TCF12: variants seen among roughly 807,000 people sequenced by gnomAD.
TCF12 encodes transcription factor 12, also known as DNA-binding protein HTF4.
In TCF12, 45 loss-of-function variants were observed where a neutral mutation model predicts 86.0. The observed-to-expected ratio is 0.52, with a 90% CI of 0.41 to 0.67. TCF12 has a LOEUF of 0.67. TCF12 is among the 30% of genes least tolerant of loss of function. TCF12 has a pLI of 0.00. For missense variants in TCF12, 881 were observed against 859.9 expected, an observed-to-expected ratio of 1.02 and a Z score of -0.31; for synonymous variants, 330 against 299.6, an observed-to-expected ratio of 1.10 and a Z score of -1.05.
chr15:57,272,991 A>G (rs2061213932), intron 18 of TCF12, 39 bp from the exon 19 acceptor site: 6 of 1,579,124 alleles, frequency 3.8e-6, no homozygotes, highest in Non-Finnish European at 5.2e-6. Flanking sequence ...CTTACTTTAT[A>G]GGAAACCTAA....
chr15:56,925,163 G>A (rs1233182126), intron 3 of TCF12, among the ~76,000 whole-genome samples: 2 of 152,066 alleles, frequency 1.3e-5, no homozygotes, highest in Non-Finnish European at 2.9e-5. Context: ...GGCGCAGCCA[G>A]TGTACTCCAG....
chr15:57,270,401 G>A (rs2061080892), intron 18 of TCF12, among the ~76,000 whole-genome samples: 1 of 152,128 alleles, frequency 6.6e-6, no homozygotes, highest in African/African-American at 2.4e-5. Context: ...GTGGTTTTCA[G>A]CTCCATCAGG....
At chr15:57,282,213 C>G in intron 19 of TCF12, 1 of 547,820 alleles carries the variant, frequency 1.8e-6, no homozygotes, top group Non-Finnish European at 3.2e-6. Flanking sequence ...AAATCAAACC[C>G]TAGAAAACTA....
chr15:57,023,081 T>G (rs1049233600), intron 3 of TCF12, among the ~76,000 whole-genome samples: 4 of 152,212 alleles, frequency 2.6e-5, no homozygotes, highest in African/African-American at 9.7e-5. Flanking sequence ...TTCAGGAATT[T>G]TAAATTTTTG....
At chr15:57,185,357 A>C (rs1214288410) in intron 6 of TCF12, among the ~76,000 whole-genome samples, 1 of 152,242 alleles carries the variant, frequency 6.6e-6, no homozygotes, top group African/African-American at 2.4e-5. Flanking sequence ...TCATAGCAGA[A>C]CTTAGGAGAT....
intron 3 of TCF12, among the ~76,000 whole-genome samples, chr15:56,961,684 T>C (rs1471144419): frequency 2.0e-5 from 3 of 152,206 alleles, no homozygotes; most frequent in Non-Finnish European, 2.9e-5. Flanking sequence ...ACACTTTAGA[T>C]CTCATACAGC....
At chr15:56,983,856 G>T (rs1169638345) in intron 3 of TCF12, among the ~76,000 whole-genome samples, 1 of 151,588 alleles carries the variant, frequency 6.6e-6, no homozygotes, top group Non-Finnish European at 1.5e-5. Flanking sequence ...AATGAAATCA[G>T]CCGGGTAGGG....
chr15:57,253,260 A>C lies in TCF12; in HGVS notation c.1261-2A>C, dbSNP rs753455173. 1 of 1,613,890 alleles carries C rather than the reference A, an allele frequency of 6.2e-7. No individual in the cohort carries two copies. The highest frequency in any genetic ancestry group is 8.5e-7 in the Non-Finnish European group (1 of 1,179,856). On this transcript the variant is annotated splice_acceptor_variant, in intron 15 of 20. Coordinates refer to ENST00000333725, the MANE Select transcript of TCF12 (RefSeq NM_207037.2). LOFTEE classifies it high-confidence loss of function. ...ACCATGTTTTTTTTTTAATCCATAC[A>C]GCAGTCTCGAATGGAGGATCGTTTA...
At chr15:56,990,521 T>C (rs2566844) in intron 3 of TCF12, among the ~76,000 whole-genome samples, 34,072 of 151,936 alleles carry the variant, frequency 0.22, 3,880 homozygotes, top group Middle Eastern at 0.24. Flanking sequence ...TTTAGAGGGA[T>C]GTGGTGTTTC....
In TCF12 at chr15:57,004,846, C is replaced by T. The variant is rs538825147; in HGVS notation, c.149-58904C>T. Among the ~76,000 whole-genome samples, 3 of 152,348 alleles carry T rather than the reference C, an allele frequency of 2.0e-5. No homozygotes were observed. In the East Asian group the frequency reaches 5.8e-4, roughly 29 times the overall value. The stretch of plus-strand genomic sequence containing the variant: ...CTGGGATTATAGGCATGAGCCACCG[C>T]ACCCGGCCCATTCATTTCTTAAATT... On this transcript the variant is annotated intron_variant, in intron 3 of 20. Transcript: ENST00000333725.
chr15:57,207,962 C>T (rs1290815510), intron 8 of TCF12, among the ~76,000 whole-genome samples: 6 of 151,016 alleles, frequency 4.0e-5, no homozygotes, highest in South Asian at 2.1e-4. Context: ...AAGTCCTTAT[C>T]GTGAATGAAG....
At chr15:57,176,646 A>G (rs1301639298) in intron 6 of TCF12, among the ~76,000 whole-genome samples, 27 of 152,206 alleles carry the variant, frequency 1.8e-4, no homozygotes, top group Non-Finnish European at 2.5e-4. Flanking sequence ...CCAAGATTTC[A>G]TAGCTGGTAA....
chr15:57,100,144 T>G (rs1188372503), intron 5 of TCF12, among the ~76,000 whole-genome samples: 1 of 152,214 alleles, frequency 6.6e-6, no homozygotes, highest in South Asian at 2.1e-4. Context: ...TGTCTAGTTC[T>G]AACCAAGTGA....
chr15:56,972,842 G>T (rs1185291755), intron 3 of TCF12, among the ~76,000 whole-genome samples: 1 of 152,146 alleles, frequency 6.6e-6, no homozygotes, highest in South Asian at 2.1e-4. Flanking sequence ...CATAGTTATG[G>T]AGGGGAGGGG....
Position 57,012,992 on chromosome 15 carries a change from T to C in TCF12, c.149-50758T>C, listed in dbSNP as rs1244140435. Among the ~76,000 whole-genome samples, 10 of 152,142 alleles carry C rather than the reference T, an allele frequency of 6.6e-5. No individual in the cohort carries two copies. In the East Asian group the frequency reaches 1.9e-3, roughly 29 times the overall value. ...TTACTAAGTCTCTAAGAGTTAGTAC[T>C]TTTAGAAATTGTTTTGGGATCATTA... On this transcript the variant is annotated intron_variant, in intron 3 of 20. Transcript: ENST00000333725.
In TCF12 at chr15:56,975,573, G is replaced by C. The variant is rs545796141; in HGVS notation, c.148+54475G>C. On this transcript the variant is annotated intron_variant, in intron 3 of 20. Coordinates refer to ENST00000333725, the MANE Select transcript of TCF12 (RefSeq NM_207037.2). ...TAAAGCCTGCCTAGCTGTATTATCT[G>C]TGTGAATATGTTAAAAAATAAAATA... 1.2e-4 allele frequency among the ~76,000 whole-genome samples: 19 copies of C among 152,120 alleles called. No individual in the cohort carries two copies. The East Asian group carries it at 3.3e-3, about 26-fold the overall frequency.
At chr15:56,918,391 A>G (rs1202977912), upstream of TCF12, 1 of 369,844 alleles carries the variant, frequency 2.7e-6, no homozygotes, top group Non-Finnish European at 5.5e-6. Context: ...GGCCCGGACG[A>G]GGCTTCGTCG....
At chr15:57,024,547 A>G (rs2065704363) in intron 3 of TCF12, among the ~76,000 whole-genome samples, 1 of 152,132 alleles carries the variant, frequency 6.6e-6, no homozygotes, top group Non-Finnish European at 1.5e-5. Context: ...TTTGGAACCA[A>G]ATGAAAAATA....
chr15:57,229,275 A>G (rs1386091866), intron 8 of TCF12, among the ~76,000 whole-genome samples: 3 of 152,042 alleles, frequency 2.0e-5, no homozygotes, highest in East Asian at 1.9e-4. Flanking sequence ...ATTGGTATAT[A>G]GTCAGTTATT....
Sources: gnomAD v4.1 joint callset for allele counts (sites outside exome capture counted in the v4.1 genomes callset) on GRCh38, gnomAD v4.1.1 for gene constraint, MANE v1.5 for transcripts, NCBI Gene and HGNC (gene_info 2026-07-23, HGNC 2026-07-21) for gene names.